The following THRAP3 variants were observed in gnomAD, a reference collection of about 807,000 sequenced individuals.
THRAP3 encodes thyroid hormone receptor associated protein 3.
THRAP3 carries 16 observed loss-of-function variants against 101.0 expected under a neutral mutation model. That is an observed-to-expected ratio of 0.16 (90% CI 0.11 to 0.24). THRAP3 has a LOEUF of 0.24. THRAP3 is among the 10% of genes least tolerant of loss of function. THRAP3 has a pLI of 1.00. For synonymous variants in THRAP3, 407 were observed against 422.6 expected (o/e 0.96, Z 0.45); for missense variants, 989 against 1,202.7 (o/e 0.82, Z 2.63).
At chr1:36,232,815 A>G (rs187524202) in intron 1 of THRAP3, among the ~76,000 whole-genome samples, 1 of 151,938 alleles carries the variant, frequency 6.6e-6, no homozygotes, top group East Asian at 1.9e-4. Context: ...AGTGATAGAA[A>G]TATTCTGTTT....
chr1:36,300,804 C>A, intron 9 of THRAP3, 82 bp from the exon 10 acceptor site: 2 of 1,397,132 alleles, frequency 1.4e-6, no homozygotes, highest in Non-Finnish European at 2.0e-6. Context: ...CTTTTGATTG[C>A]CCTGTGCTTA....
chr1:36,257,809 TAGAG>T (rs1645394437), intron 1 of THRAP3, among the ~76,000 whole-genome samples: 1 of 152,252 alleles, frequency 6.6e-6, no homozygotes, highest in East Asian at 1.9e-4. Flanking sequence ...TGGTTAGAAT[TAGAG>T]GGAAAGATGG....
chr1:36,264,490 A>G (rs1004309115), intron 2 of THRAP3, among the ~76,000 whole-genome samples: 1 of 152,252 alleles, frequency 6.6e-6, no homozygotes, highest in Non-Finnish European at 1.5e-5. Context: ...CTGGCCCAGT[A>G]TTACAAAGTG....
intron 3 of THRAP3, among the ~76,000 whole-genome samples, chr1:36,283,379 G>A (rs1464033449): frequency 2.0e-5 from 3 of 152,052 alleles, no homozygotes; most frequent in African/African-American, 4.8e-5. Flanking sequence ...AACCTCCAGC[G>A]TCTTTCCTCT....
chr1:36,213,965 AAG>A, the THRAP3 span, among the ~76,000 whole-genome samples: 33 of 102,676 alleles, frequency 3.2e-4, 1 homozygote, highest in South Asian at 5.6e-4. Context: ...GAAAGAAGGA[AAG>A]AGAAAGAAAG....
At chr1:36,294,507 C>T (rs1645920425) in intron 8 of THRAP3, among the ~76,000 whole-genome samples, 1 of 152,138 alleles carries the variant, frequency 6.6e-6, no homozygotes, top group Non-Finnish European at 1.5e-5. Flanking sequence ...AGCTTGTATA[C>T]AATCTGTTAC....
intron 1 of THRAP3, among the ~76,000 whole-genome samples, chr1:36,230,548 C>T (rs1183065922): frequency 1.3e-5 from 2 of 152,210 alleles, no homozygotes; most frequent in Non-Finnish European, 2.9e-5. Context: ...CAGGCTGGAG[C>T]CACCGCGCCC....
intron 2 of THRAP3, among the ~76,000 whole-genome samples, chr1:36,279,378 G>T (rs1449914394): frequency 3.9e-5 from 6 of 152,084 alleles, no homozygotes; most frequent in Admixed American, 3.9e-4. Context: ...GTCTCCATTT[G>T]GCAAGAGTGA....
At chr1:36,249,692 G>GTGTGTGTA (rs1328734240) in intron 1 of THRAP3, among the ~76,000 whole-genome samples, 8 of 144,226 alleles carry the variant, frequency 5.5e-5, no homozygotes, top group South Asian at 4.2e-4. Context: ...GTGAGTGTGT[G>GTGTGTGTA]TGTGTGTGTG....
chr1:36,236,225 A>G (rs76261942), intron 1 of THRAP3, among the ~76,000 whole-genome samples: 20 of 124,934 alleles, frequency 1.6e-4, no homozygotes, highest in Admixed American at 1.4e-3. Flanking sequence ...GTCTCAAAAG[A>G]AAAAAAAAAA....
intron 1 of THRAP3, among the ~76,000 whole-genome samples, chr1:36,257,003 G>A (rs1040835541): frequency 3.3e-5 from 5 of 151,938 alleles, no homozygotes; most frequent in Admixed American, 3.3e-4. Flanking sequence ...CTCCATGTTG[G>A]TCAGGCTGGT....
chr1:36,282,267 C>G (rs1192327196), intron 2 of THRAP3, among the ~76,000 whole-genome samples: 1 of 150,198 alleles, frequency 6.7e-6, no homozygotes, highest in Non-Finnish European at 1.5e-5. Flanking sequence ...GGGTATTGCT[C>G]TTTCCTCCAG....
chr1:36,237,625 G>A (rs181319057), intron 1 of THRAP3, among the ~76,000 whole-genome samples: 4 of 152,110 alleles, frequency 2.6e-5, no homozygotes, highest in African/African-American at 9.6e-5. Context: ...ACAAAAGTTA[G>A]CCAGGCATTG....
At chr1:36,292,332 C>T (rs180878335) in intron 6 of THRAP3, among the ~76,000 whole-genome samples, 206 of 119,016 alleles carry the variant, frequency 1.7e-3, no homozygotes, top group African/African-American at 5.8e-3. Flanking sequence ...AGTGCAGTGG[C>T]GGGATCTCAG....
At position 36,292,256 on chromosome 1, in the gene THRAP3, CTTTGTTTCTTTTTTTTTTTTTTTTTT is replaced by C. The variant is rs1371394602; in HGVS notation, c.1919-338_1919-313del. Among the ~76,000 whole-genome samples, 42 of 54,566 alleles carry C rather than the reference CTTTGTTTCTTTTTTTTTTTTTTTTTT, an allele frequency of 7.7e-4. No homozygotes were observed. The South Asian group carries it at 0.02, about 26-fold the overall frequency. 35.8% of individuals were successfully genotyped at this position (54,566 alleles called of 152,430 possible). On this transcript the variant is annotated intron_variant, in intron 6 of 11. Transcript: ENST00000354618. ...CTGCCTTTGGTAACATAATGTGTTT[CTTTGTTTCTTTTTTTTTTTTTTTTTT>C]TTTTTTTGAGACGGAGTCTTGCTCT...
chr1:36,241,383 GTGTATA>G (rs1365819843), intron 1 of THRAP3, among the ~76,000 whole-genome samples: 2,691 of 132,006 alleles, frequency 0.02, 61 homozygotes, highest in Non-Finnish European at 0.026. Flanking sequence ...ATGATAATGG[GTGTATA>G]TATATATATA....
intron 1 of THRAP3, among the ~76,000 whole-genome samples, chr1:36,237,116 C>T (rs918965999): frequency 2.0e-4 from 31 of 151,760 alleles, no homozygotes; most frequent in Non-Finnish European, 4.3e-4. Context: ...GTGGAGGTTG[C>T]GTGCCATTGC....
At chr1:36,301,224 C>G (rs1452758710) in intron 10 of THRAP3, 140 bp downstream of exon 10, 1 of 921,802 alleles carries the variant, frequency 1.1e-6, no homozygotes, top group South Asian at 1.8e-5. Context: ...TTCTCCTTCC[C>G]ACATTTCCTG....
chr1:36,247,053 C>T (rs7554055), intron 1 of THRAP3, among the ~76,000 whole-genome samples: 143,815 of 152,058 alleles, frequency 0.95, 68,538 homozygotes, highest in Middle Eastern at 1. Context: ...GTGCAGTGGC[C>T]CACGCCTGTA....
Sources: gnomAD v4.1 joint callset for allele counts (sites outside exome capture counted in the v4.1 genomes callset) on GRCh38, gnomAD v4.1.1 for gene constraint, MANE v1.5 for transcripts, NCBI Gene and HGNC (gene_info 2026-07-23, HGNC 2026-07-21) for gene names.